TMEM245: variants seen among roughly 807,000 people sequenced by gnomAD.
TMEM245 encodes the protein transmembrane protein 245.
Under a neutral mutation model 101.2 loss-of-function variants are expected in TMEM245, and 69 were observed. That is an observed-to-expected ratio of 0.68 (90% CI 0.56 to 0.83). The LOEUF is 0.83. TMEM245 is among the 40% of genes least tolerant of loss of function. TMEM245 has a pLI of 0.00. For synonymous variants in TMEM245, 537 were observed against 449.8 expected (o/e 1.19, Z -2.45); for missense variants, 1,075 against 1,092.8 (o/e 0.98, Z 0.23).
chr9:109,050,246 C>A (rs1344496831), intron 14 of TMEM245, 37 bp downstream of exon 14: 2 of 1,607,048 alleles, frequency 1.2e-6, no homozygotes, highest in South Asian at 2.2e-5. Context: ...AAAAAAAGTT[C>A]TGGGAGAAAT....
intron 15 of TMEM245, among the ~76,000 whole-genome samples, chr9:109,036,904 A>G (rs1391818098): frequency 6.6e-6 from 1 of 152,202 alleles, no homozygotes; most frequent in East Asian, 1.9e-4. Flanking sequence ...TGTAGTTTCT[A>G]GTTCTGGTCC....
At chr9:109,103,211 A>T (rs1830323951) in intron 3 of TMEM245, among the ~76,000 whole-genome samples, 1 of 152,236 alleles carries the variant, frequency 6.6e-6, no homozygotes, top group Non-Finnish European at 1.5e-5. Context: ...GCAGAATCCT[A>T]AAGAATATAC....
chr9:109,086,964 T>C (rs1267366153), intron 6 of TMEM245, among the ~76,000 whole-genome samples: 1 of 152,218 alleles, frequency 6.6e-6, no homozygotes, highest in Non-Finnish European at 1.5e-5. Context: ...CCCATTTTTA[T>C]GAGGAAAAAA....
intron 7 of TMEM245, among the ~76,000 whole-genome samples, chr9:109,083,920 A>AAAAAAAAAAAAAAAAAC (rs1554725109): frequency 6.9e-6 from 1 of 144,122 alleles, no homozygotes; most frequent in African/African-American, 2.6e-5. Flanking sequence ...AAAAAAAAAA[A>AAAAAAAAAAAAAAAAAC]AAAAAAAAAC....
chr9:109,035,156 CAAAAAAAAAAAAAA>C (rs778574292), intron 16 of TMEM245, among the ~76,000 whole-genome samples: 1 of 51,324 alleles, frequency 1.9e-5, no homozygotes, highest in African/African-American at 7.1e-5. Flanking sequence ...GACTCTGTCT[CAAAAAAAAAAAAAA>C]AAAAAAAAAA....
At position 109,119,328 on chromosome 9, in the gene TMEM245, C is replaced by T. The variant is rs1164788091; in HGVS notation, c.579+7G>A. On this transcript the variant is annotated splice_region_variant and intron_variant, in intron 1 of 17. Transcript: ENST00000374586. ...CGGGGGACGGGGGCGGACTGCCGCT[C>T]ACTCACCCACAGGCTGCTGAAGTAG... 1 of 1,524,892 alleles carries T rather than the reference C, an allele frequency of 6.6e-7. No individual in the cohort carries two copies. The highest frequency in any genetic ancestry group is 1.2e-5 in the South Asian group (1 of 83,206). 94.5% of individuals were successfully genotyped at this position (1,524,892 alleles called of 1,614,324 possible).
intron 10 of TMEM245, among the ~76,000 whole-genome samples, chr9:109,064,047 G>A (rs1157348139): frequency 2.0e-5 from 3 of 152,026 alleles, no homozygotes; most frequent in African/African-American, 7.2e-5. Flanking sequence ...CATCTGCAAA[G>A]CAGGCAAAAT....
At chr9:109,062,239 C>T (rs1049420711) in intron 10 of TMEM245, among the ~76,000 whole-genome samples, 3 of 150,798 alleles carry the variant, frequency 2.0e-5, no homozygotes, top group Non-Finnish European at 3.0e-5. Context: ...TCAAGTGATC[C>T]TCCTGACTCG....
intron 8 of TMEM245, among the ~76,000 whole-genome samples, chr9:109,080,300 AAG>A (rs561881557): frequency 6.6e-6 from 1 of 152,082 alleles, no homozygotes; most frequent in Non-Finnish European, 1.5e-5. Context: ...AAAAAATAGT[AAG>A]AGATATCACT....
At chr9:109,104,138 C>T (rs1009876367) in intron 3 of TMEM245, among the ~76,000 whole-genome samples, 1 of 151,808 alleles carries the variant, frequency 6.6e-6, no homozygotes, top group South Asian at 2.1e-4. Context: ...GATAGCATAA[C>T]AGGGTGACTA....
At chr9:109,049,142 AT>A (rs1241249005) in intron 14 of TMEM245, among the ~76,000 whole-genome samples, 1 of 152,228 alleles carries the variant, frequency 6.6e-6, no homozygotes, top group Non-Finnish European at 1.5e-5. Context: ...TGGAAAGCTG[AT>A]GGAGATAGAC....
intron 11 of TMEM245, among the ~76,000 whole-genome samples, chr9:109,057,925 C>CTTTT (rs35332085): frequency 1.1e-4 from 12 of 112,718 alleles, no homozygotes; most frequent in South Asian, 5.9e-4. Context: ...CATTTACTTT[C>CTTTT]TTTTTTTTTT....
intron 2 of TMEM245, 56 bp from the exon 3 acceptor site, chr9:109,106,665 T>C: frequency 7.6e-7 from 1 of 1,321,586 alleles, no homozygotes; most frequent in Non-Finnish European, 1.1e-6. Context: ...GTACTTGTTT[T>C]TACAAAACTC....
Position 109,045,040 on chromosome 9 carries a change from G to A in TMEM245, c.2123+5243C>T, listed in dbSNP as rs544908191. On this transcript the variant is annotated intron_variant, in intron 14 of 17. Coordinates refer to ENST00000374586, the MANE Select transcript of TMEM245 (RefSeq NM_032012.4). The stretch of plus-strand genomic sequence containing the variant: ...CTCCCAAAGTGCTGGGATTTGAGGC[G>A]TGAGCCACCGTACCTGGCCTCATTT... Among the ~76,000 whole-genome samples the A allele has an allele frequency of 1.1e-3, 173 of 152,270 alleles. 3 individuals are homozygous for A. Among genetic ancestry groups the A allele is most frequent in the Admixed American group, 9.9e-3 (151 of 15,294 alleles).
At chr9:109,049,713 G>C (rs1415700691) in intron 14 of TMEM245, among the ~76,000 whole-genome samples, 1 of 152,134 alleles carries the variant, frequency 6.6e-6, no homozygotes, top group Non-Finnish European at 1.5e-5. Context: ...TGTAATCCCA[G>C]CTACTTGGGA....
Position 109,090,716 on chromosome 9 carries a change from C to CAA in TMEM245, c.1150+204_1150+205dup, listed in dbSNP as rs112374218. On this transcript the variant is annotated intron_variant, in intron 5 of 17. Transcript: ENST00000374586. The stretch of plus-strand genomic sequence containing the variant: ...TTCCAGCCTGGGCAAGACTCCGTCT[C>CAA]AAAAAAAAAAAAAAAGTGAAATATT... Among the ~76,000 whole-genome samples, 107 of 108,416 alleles carry CAA rather than the reference C, an allele frequency of 9.9e-4. 1 individual carries two copies. Among genetic ancestry groups the CAA allele is most frequent in the East Asian group, 1.7e-3 (6 of 3,552 alleles). 71.1% of individuals were successfully genotyped at this position (108,416 alleles called of 152,430 possible).
At chr9:109,116,324 T>C (rs1351722918) in intron 1 of TMEM245, among the ~76,000 whole-genome samples, 1 of 152,158 alleles carries the variant, frequency 6.6e-6, no homozygotes, top group Non-Finnish European at 1.5e-5. Context: ...AGAGTGGGCC[T>C]CCTGCCCAGT....
Position 109,017,979 on chromosome 9 carries a change from GA to G in TMEM245, c.*2480del, listed in dbSNP as rs1400619945. 1.3e-5 allele frequency: 2 copies of G among 152,162 alleles called. No individual in the cohort carries two copies. Among genetic ancestry groups the G allele is most frequent in the African/African-American group, 4.8e-5 (2 of 41,430 alleles). The allele number at this position is 152,162 out of a possible 1,614,324, so 9.4% of individuals were successfully genotyped here. A position where few individuals can be genotyped will look rare whatever the true frequency, so the allele number is the denominator to read the frequency against. On this transcript the variant is annotated 3_prime_UTR_variant, in exon 18 of 18. Transcript: ENST00000374586. ...GGTCAAGTTTCCTGATCATAGCTGT[GA>G]AGCACTCTGGGGCACCTCTGCTCCT...
chr9:109,054,148 T>C (rs915394885), intron 12 of TMEM245, among the ~76,000 whole-genome samples: 3 of 152,028 alleles, frequency 2.0e-5, no homozygotes, highest in South Asian at 2.1e-4. Context: ...CCGTGCAACA[T>C]AGCAAGACCC....
Sources: gnomAD v4.1 joint callset for allele counts (sites outside exome capture counted in the v4.1 genomes callset) on GRCh38, gnomAD v4.1.1 for gene constraint, MANE v1.5 for transcripts, NCBI Gene and HGNC (gene_info 2026-07-23, HGNC 2026-07-21) for gene names.